The following EYA2 variants were observed in gnomAD, a reference collection of about 807,000 sequenced individuals.
EYA2 encodes protein phosphatase EYA2.
A neutral mutation model predicts 69.2 loss-of-function variants in EYA2; 31 were observed. The ratio of observed to expected loss-of-function variants is 0.45; its 90% CI spans 0.34 to 0.60. EYA2 has a LOEUF of 0.60. Ranked by LOEUF, EYA2 falls within the 20% of genes least tolerant of loss-of-function variation. The probability of loss-of-function intolerance (pLI) is 0.02; values close to 1 mark genes in which losing one functional copy is unlikely to be tolerated. For missense variants in EYA2, 622 were observed against 701.2 expected (o/e 0.89, Z 1.28); for synonymous variants, 257 against 279.4 (o/e 0.92, Z 0.80).
intron 1 of EYA2, chr20:46,979,587 T>TCTTC (rs1980689773): frequency 6.6e-6 from 1 of 152,150 alleles, no homozygotes; most frequent in Non-Finnish European, 1.5e-5. Context: ...CTGAGTTCTC[T>TCTTC]CTTCCTTCCC....
chr20:47,073,890 C>T (rs376134155), intron 6 of EYA2, among the ~76,000 whole-genome samples: 5 of 152,128 alleles, frequency 3.3e-5, no homozygotes, highest in Non-Finnish European at 7.4e-5. Flanking sequence ...CATCTCTGGT[C>T]ACTACCACAG....
chr20:47,139,442 A>AT (rs1411646758), intron 9 of EYA2, among the ~76,000 whole-genome samples: 1 of 152,050 alleles, frequency 6.6e-6, no homozygotes, highest in East Asian at 1.9e-4. Context: ...ATTTTATTTT[A>AT]TTTTTTTGGT....
intron 5 of EYA2, among the ~76,000 whole-genome samples, chr20:47,040,782 T>A (rs1206805): frequency 0.081 from 12,362 of 152,224 alleles, 551 homozygotes; most frequent in Middle Eastern, 0.19. Flanking sequence ...CTGTTATCAC[T>A]GTAACTACAC....
chr20:47,069,790 C>CT lies in EYA2; in HGVS notation c.416-2390dup, dbSNP rs1336119757. Among the ~76,000 whole-genome samples, 17 of 152,020 alleles carry CT rather than the reference C, an allele frequency of 1.1e-4. No homozygotes were observed. The East Asian group carries it at 3.3e-3, about 29-fold the overall frequency. On this transcript the variant is annotated intron_variant, in intron 5 of 15. Coordinates refer to ENST00000327619, the MANE Select transcript of EYA2 (RefSeq NM_005244.5). Reference sequence around the variant, plus strand: ...TAAAATCAGTGGGAGAAAGGATAGACTTTTTATAGTGGTCCTGGAACAACT... The same window carrying CT: ...TAAAATCAGTGGGAGAAAGGATAGACTTTTTTATAGTGGTCCTGGAACAACT...
At chr20:47,114,339 G>A (rs2032834493) in intron 9 of EYA2, among the ~76,000 whole-genome samples, 1 of 152,220 alleles carries the variant, frequency 6.6e-6, no homozygotes, top group Non-Finnish European at 1.5e-5. Flanking sequence ...GCCTTGGCCG[G>A]CCACGGTGGC....
rs372428236 is a variant in EYA2, at chr20:47,188,137, G to T, written c.*4G>T. The T allele has an allele frequency of 2.5e-6, 4 of 1,571,880 alleles. No individual in the cohort carries two copies. The highest frequency in any genetic ancestry group is 3.5e-6 in the Non-Finnish European group (4 of 1,158,888). ...CCTGGAGCTGGAGTATTTATAGCAG[G>T]ATCAGCAGCATCTCCACCTGCCATC... is the stretch of plus-strand genomic sequence containing the variant. On this transcript the variant is annotated 3_prime_UTR_variant, in exon 16 of 16. Transcript: ENST00000327619.
At chr20:47,077,052 T>G (rs1335471964) in intron 7 of EYA2, among the ~76,000 whole-genome samples, 1 of 152,150 alleles carries the variant, frequency 6.6e-6, no homozygotes, top group Non-Finnish European at 1.5e-5. Context: ...GAGCTAGAGT[T>G]GGGGTCAGCC....
intron 15 of EYA2, 101 bp downstream of exon 15, chr20:47,183,492 G>T (rs2034578046): frequency 2.0e-6 from 2 of 1,018,248 alleles, no homozygotes; most frequent in Non-Finnish European, 2.9e-6. Context: ...CCCGTGGCTG[G>T]CTGGGTCCTC....
chr20:47,035,475 C>G (rs1181303085), intron 5 of EYA2, among the ~76,000 whole-genome samples: 1 of 152,132 alleles, frequency 6.6e-6, no homozygotes, highest in Non-Finnish European at 1.5e-5. Context: ...AAAACCAGCC[C>G]CTTCTGTCTG....
At chr20:46,966,016 A>G (rs1208155355) in intron 1 of EYA2, among the ~76,000 whole-genome samples, 3 of 152,218 alleles carry the variant, frequency 2.0e-5, no homozygotes, top group African/African-American at 7.2e-5. Context: ...GCAAGTGAAA[A>G]CTTGAAATTC....
chr20:46,963,497 T>C (rs1263934274), intron 1 of EYA2, among the ~76,000 whole-genome samples: 8 of 152,116 alleles, frequency 5.3e-5, no homozygotes, highest in Non-Finnish European at 7.4e-5. Context: ...CACAAATAAA[T>C]ACATGAGCTA....
chr20:47,109,428 GC>G (rs1459441678), intron 9 of EYA2, among the ~76,000 whole-genome samples: 1 of 152,052 alleles, frequency 6.6e-6, no homozygotes, highest in Non-Finnish European at 1.5e-5. Flanking sequence ...TCAGTGTATA[GC>G]CTTTTGTTTG....
At chr20:47,117,186 T>C (rs1344612611) in intron 9 of EYA2, among the ~76,000 whole-genome samples, 1 of 152,054 alleles carries the variant, frequency 6.6e-6, no homozygotes, top group Admixed American at 6.5e-5. Flanking sequence ...CTAATTTTTG[T>C]ATTTTTAGTA....
chr20:46,904,603 A>G (rs1361331854), intron 1 of EYA2, among the ~76,000 whole-genome samples: 2 of 152,108 alleles, frequency 1.3e-5, no homozygotes, highest in Non-Finnish European at 2.9e-5. Flanking sequence ...AATGGGAAGG[A>G]AAAAAATGAG....
intron 8 of EYA2, among the ~76,000 whole-genome samples, chr20:47,089,611 G>T (rs116800158): frequency 2.6e-3 from 397 of 152,334 alleles, no homozygotes; most frequent in African/African-American, 8.8e-3. Flanking sequence ...GTGGGGGATG[G>T]TGCTTTTGAA....
intron 9 of EYA2, among the ~76,000 whole-genome samples, chr20:47,128,649 AT>A (rs780874533): frequency 9.2e-5 from 14 of 152,026 alleles, no homozygotes; most frequent in Middle Eastern, 3.4e-3. Context: ...AAGATTTTGG[AT>A]TCTTGAGTTA....
At chr20:47,018,120 A>C (rs1192945730) in intron 5 of EYA2, among the ~76,000 whole-genome samples, 1 of 152,156 alleles carries the variant, frequency 6.6e-6, no homozygotes, top group African/African-American at 2.4e-5. Flanking sequence ...CTGAACTTCA[A>C]CTTGTATTTG....
intron 11 of EYA2, among the ~76,000 whole-genome samples, chr20:47,170,725 G>A (rs751508689): frequency 1.3e-5 from 2 of 151,512 alleles, no homozygotes; most frequent in Non-Finnish European, 2.9e-5. Flanking sequence ...GGAAAACTTT[G>A]TAAAAATGGA....
chr20:46,994,905 C>T (rs1306436437), intron 2 of EYA2, among the ~76,000 whole-genome samples: 1 of 147,154 alleles, frequency 6.8e-6, no homozygotes, highest in African/African-American at 2.5e-5. Context: ...CTAATTTGTT[C>T]TTTTTTTTTT....
Sources: allele counts gnomAD v4.1 joint callset (sites outside exome capture counted in the v4.1 genomes callset), GRCh38; gene constraint gnomAD v4.1.1; transcripts MANE v1.5; gene names NCBI Gene and HGNC (gene_info 2026-07-23, HGNC 2026-07-21).